Variants in BCL11A observed in about 807,000 individuals in gnomAD.
BCL11A encodes the protein B cell CLL/lymphoma 11A.
Under a neutral mutation model 55.9 loss-of-function variants are expected in BCL11A, and 2 were observed. That is an observed-to-expected ratio of 0.04 (90% CI 0.01 to 0.11). The LOEUF is 0.11. Among genes scored for constraint, BCL11A ranks in the 10% least tolerant of loss-of-function variants. The pLI is 1.00. For synonymous variants in BCL11A, 465 were observed against 473.4 expected (o/e 0.98, Z 0.23); for missense variants, 817 against 1,137.1 (o/e 0.72, Z 4.05).
intron 2 of BCL11A, among the ~76,000 whole-genome samples, chr2:60,531,566 G>A (rs1669457833): frequency 6.6e-6 from 1 of 152,068 alleles, no homozygotes; most frequent in Admixed American, 6.5e-5. Flanking sequence ...CCTTGGCCAG[G>A]GCTTTTATTA....
chr2:60,510,155 G>T (rs142497532), intron 2 of BCL11A, among the ~76,000 whole-genome samples: 96 of 152,258 alleles, frequency 6.3e-4, no homozygotes, highest in African/African-American at 2.2e-3. Flanking sequence ...GTCTCAAAAT[G>T]CGGCCCAAGA....
chr2:60,492,195 G>A (rs555344159), intron 2 of BCL11A, among the ~76,000 whole-genome samples: 1 of 152,212 alleles, frequency 6.6e-6, no homozygotes, highest in East Asian at 1.9e-4. Context: ...TGGGCAACAG[G>A]GAGAAACTCC....
intron 3 of BCL11A, among the ~76,000 whole-genome samples, 158 bp downstream of exon 3, chr2:60,468,574 G>A (rs569241589): frequency 1.1e-4 from 16 of 152,350 alleles, no homozygotes; most frequent in Admixed American, 3.3e-4. Context: ...CTGGGGCTGA[G>A]TGGAGTGGGG....
At chr2:60,514,151 T>C (rs1198155341) in intron 2 of BCL11A, among the ~76,000 whole-genome samples, 1 of 152,076 alleles carries the variant, frequency 6.6e-6, no homozygotes, top group Non-Finnish European at 1.5e-5. Flanking sequence ...TCTGAGAGGC[T>C]TCCAGGCTGG....
At chr2:60,530,838 T>A (rs1219738392) in intron 2 of BCL11A, among the ~76,000 whole-genome samples, 1 of 152,114 alleles carries the variant, frequency 6.6e-6, no homozygotes, top group African/African-American at 2.4e-5. Flanking sequence ...CTACCCCTCC[T>A]GAGTCTTCTC....
At chr2:60,518,025 C>T (rs975539754) in intron 2 of BCL11A, among the ~76,000 whole-genome samples, 5 of 152,246 alleles carry the variant, frequency 3.3e-5, no homozygotes, top group South Asian at 2.1e-4. Flanking sequence ...GAGGCATTTG[C>T]TTATGCCTAT....
chr2:60,535,710 T>G (rs1558499478), intron 2 of BCL11A: 1 of 152,250 alleles, frequency 6.6e-6, no homozygotes, highest in South Asian at 2.1e-4. Context: ...CTGGTTTACT[T>G]CTGAGGAGTG....
rs45591537 is a variant in BCL11A, at chr2:60,503,128, T to C, written c.386-34295A>G. Among the ~76,000 whole-genome samples the C allele has an allele frequency of 5.5e-4, 84 of 152,222 alleles. 1 individual carries two copies. The highest frequency in any genetic ancestry group is 9.8e-4 in the Admixed American group (15 of 15,286). ...ACCCAGATCCACTCTGCATTTGTCCTGGCAATGGGAGCAGGAATGAGTCCA... is the reference window on the plus strand; with the variant it reads ...ACCCAGATCCACTCTGCATTTGTCCCGGCAATGGGAGCAGGAATGAGTCCA... On this transcript the variant is annotated intron_variant, in intron 2 of 3. Transcript: ENST00000642384.
upstream of BCL11A, chr2:60,553,678 C>A: frequency 4.4e-6 from 1 of 228,682 alleles, no homozygotes; most frequent in Non-Finnish European, 8.3e-6. Context: ...GCAGGGCGAG[C>A]AGGAGAGAAG....
chr2:60,464,865 T>A (rs955900417), intron 3 of BCL11A, among the ~76,000 whole-genome samples: 1 of 152,230 alleles, frequency 6.6e-6, no homozygotes, highest in Non-Finnish European at 1.5e-5. Flanking sequence ...CTCTCTCTCA[T>A]ACATCAGGTC....
At chr2:60,506,603 T>C (rs2104445430) in intron 2 of BCL11A, among the ~76,000 whole-genome samples, 1 of 152,276 alleles carries the variant, frequency 6.6e-6, no homozygotes, top group East Asian at 1.9e-4. Flanking sequence ...CCTTTGTGCA[T>C]GGCTGCTTAG....
chr2:60,500,491 A>C (rs1166726749), intron 2 of BCL11A, among the ~76,000 whole-genome samples: 2 of 152,192 alleles, frequency 1.3e-5, no homozygotes, highest in Non-Finnish European at 2.9e-5. Context: ...AGCCTACCCA[A>C]GAGCCAGGGA....
intron 2 of BCL11A, chr2:60,533,423 A>G (rs150345192): frequency 4.6e-5 from 7 of 152,338 alleles, no homozygotes; most frequent in Non-Finnish European, 1.0e-4. Context: ...ATATGTCACA[A>G]AGACCTTCCT....
At chr2:60,514,981 C>A (rs551144984) in intron 2 of BCL11A, among the ~76,000 whole-genome samples, 37 of 152,268 alleles carry the variant, frequency 2.4e-4, no homozygotes, top group African/African-American at 8.9e-4. Flanking sequence ...CAGTCCCTTC[C>A]GAACTCAGCC....
chr2:60,458,677 T>C lies in BCL11A; in HGVS notation c.*1727A>G, dbSNP rs1037716337. On this transcript the variant is annotated 3_prime_UTR_variant, in exon 4 of 4. Coordinates refer to ENST00000642384, the MANE Select transcript of BCL11A (RefSeq NM_022893.4). ...ATTTTTTTTCAGCATTCTTGCAACTTTTCCCTTAAGTATAGACCTGTAAAC... is the reference window on the plus strand; with the variant it reads ...ATTTTTTTTCAGCATTCTTGCAACTCTTCCCTTAAGTATAGACCTGTAAAC... 1.7e-5 allele frequency: 17 copies of C among 1,029,956 alleles called. No individual in the cohort carries two copies. Among genetic ancestry groups the C allele is most frequent in the Non-Finnish European group, 1.9e-5 (16 of 856,594 alleles). The allele number at this position is 1,029,956 out of a possible 1,614,324, so 63.8% of individuals were successfully genotyped here.
intron 2 of BCL11A, among the ~76,000 whole-genome samples, chr2:60,471,165 T>C (rs544060790): frequency 6.6e-6 from 1 of 152,340 alleles, no homozygotes; most frequent in Non-Finnish European, 1.5e-5. Flanking sequence ...GGTCTCACAA[T>C]TGGAAAACAA....
downstream of BCL11A, chr2:60,450,719 C>T (rs1331469672): frequency 6.6e-6 from 1 of 152,248 alleles, no homozygotes. Flanking sequence ...AAGTCACAAA[C>T]AGGCCACTCG....
intron 1 of BCL11A, among the ~76,000 whole-genome samples, chr2:60,548,330 CTTTT>C (rs34428551): frequency 3.0e-5 from 4 of 135,092 alleles, no homozygotes; most frequent in African/African-American, 8.1e-5. Flanking sequence ...CGTTAAGATT[CTTTT>C]TTTTTTTTTT....
At position 60,457,656 on chromosome 2, in the gene BCL11A, A is replaced by T. The variant is rs1210899484; in HGVS notation, c.*2748T>A. The T allele has an allele frequency of 9.6e-7, 1 of 1,040,726 alleles. No individual in the cohort carries two copies. Among genetic ancestry groups the T allele is most frequent in the Non-Finnish European group, 1.2e-6 (1 of 863,980 alleles). 64.5% of individuals were successfully genotyped at this position (1,040,726 alleles called of 1,614,324 possible). A position where few individuals can be genotyped will look rare whatever the true frequency, so the allele number is the denominator to read the frequency against. ...CATTTAGTTTTTGGCAATGAAAAAA[A>T]CTGCAAAACATTGGTTTTTTTTTTT... On this transcript the variant is annotated 3_prime_UTR_variant, in exon 4 of 4. Coordinates refer to ENST00000642384, the MANE Select transcript of BCL11A (RefSeq NM_022893.4).
Sources: allele counts gnomAD v4.1 joint callset (sites outside exome capture counted in the v4.1 genomes callset), GRCh38; gene constraint gnomAD v4.1.1; transcripts MANE v1.5; gene names NCBI Gene and HGNC (gene_info 2026-07-23, HGNC 2026-07-21).